WDR7: variants seen among roughly 807,000 people sequenced by gnomAD.
The protein encoded by WDR7 is WD repeat domain 7.
Under a neutral mutation model 169.4 loss-of-function variants are expected in WDR7, and 46 were observed. The observed-to-expected ratio is 0.27, with a 90% CI of 0.21 to 0.35. The LOEUF (loss-of-function observed/expected upper bound fraction) is 0.35. Among genes scored for constraint, WDR7 ranks in the 10% least tolerant of loss-of-function variants. WDR7 has a pLI of 1.00. For synonymous variants in WDR7, 612 were observed against 666.8 expected (o/e 0.92, Z 1.27); for missense variants, 1,534 against 1,859.3 (o/e 0.83, Z 3.22).
chr18:57,023,027 T>C (rs1385597902), intron 27 of WDR7, among the ~76,000 whole-genome samples: 2 of 152,266 alleles, frequency 1.3e-5, no homozygotes, highest in African/African-American at 4.8e-5. Context: ...TTCTTGCCTC[T>C]AAAACCAATG....
chr18:56,824,535 C>CT (rs1206041658), intron 20 of WDR7, among the ~76,000 whole-genome samples: 1 of 152,198 alleles, frequency 6.6e-6, no homozygotes, highest in African/African-American at 2.4e-5. Flanking sequence ...TCCTTATACA[C>CT]TGTGTATTTA....
At chr18:57,000,448 G>T (rs1229051388) in intron 26 of WDR7, among the ~76,000 whole-genome samples, 1 of 151,832 alleles carries the variant, frequency 6.6e-6, no homozygotes, top group Non-Finnish European at 1.5e-5. Flanking sequence ...GTGCCCCTTT[G>T]TTGGGTTATT....
At chr18:57,003,078 G>T (rs1382116887) in intron 26 of WDR7, among the ~76,000 whole-genome samples, 2 of 152,074 alleles carry the variant, frequency 1.3e-5, no homozygotes, top group Non-Finnish European at 2.9e-5. Flanking sequence ...TCTTGCTATT[G>T]TTGAAAATTG....
chr18:56,810,439 A>T (rs1036052518), intron 19 of WDR7, among the ~76,000 whole-genome samples: 1 of 152,140 alleles, frequency 6.6e-6, no homozygotes, highest in African/African-American at 2.4e-5. Flanking sequence ...AATGAAATAT[A>T]TATATAATTT....
chr18:56,889,107 C>T (rs1269500270), intron 21 of WDR7, among the ~76,000 whole-genome samples: 1 of 152,098 alleles, frequency 6.6e-6, no homozygotes, highest in East Asian at 1.9e-4. Flanking sequence ...TAGGGCAAAG[C>T]CCACAGAGGG....
chr18:56,706,806 G>A (rs1304603485), intron 12 of WDR7, among the ~76,000 whole-genome samples: 2 of 150,560 alleles, frequency 1.3e-5, no homozygotes, highest in African/African-American at 4.9e-5. Flanking sequence ...TCCTGACTCA[G>A]CCTCCCGAGT....
chr18:56,809,314 G>C (rs1359853718), intron 19 of WDR7, among the ~76,000 whole-genome samples: 2 of 151,632 alleles, frequency 1.3e-5, no homozygotes, highest in Non-Finnish European at 2.9e-5. Context: ...TACCCTTACT[G>C]TTATTTTCTA....
chr18:56,807,147 CAAAAAAAAA>C (rs566956902), intron 19 of WDR7, among the ~76,000 whole-genome samples: 1 of 84,196 alleles, frequency 1.2e-5, no homozygotes, highest in South Asian at 5.1e-4. Context: ...TGATCCTAGC[CAAAAAAAAA>C]AAAAAAAAAA....
chr18:56,967,870 C>G (rs1399849222), intron 26 of WDR7, among the ~76,000 whole-genome samples: 1 of 152,144 alleles, frequency 6.6e-6, no homozygotes, highest in African/African-American at 2.4e-5. Flanking sequence ...ACATCTAATA[C>G]TATGTAAATG....
intron 20 of WDR7, among the ~76,000 whole-genome samples, chr18:56,843,479 C>T (rs559030614): frequency 1.3e-4 from 20 of 152,302 alleles, no homozygotes; most frequent in Middle Eastern, 3.4e-3. Context: ...AAGTGTCTGG[C>T]TTATTTCACT....
At chr18:56,835,129 G>C (rs780522462) in intron 20 of WDR7, among the ~76,000 whole-genome samples, 12 of 151,906 alleles carry the variant, frequency 7.9e-5, no homozygotes, top group Admixed American at 2.0e-4. Context: ...TGTTTAAGAG[G>C]GTATGTTCAA....
chr18:56,982,961 G>T (rs1787465), intron 26 of WDR7, among the ~76,000 whole-genome samples: 11,414 of 152,204 alleles, frequency 0.075, 541 homozygotes, highest in African/African-American at 0.14. Context: ...GAGAAAAATA[G>T]GCAAATCAAC....
intron 27 of WDR7, among the ~76,000 whole-genome samples, chr18:57,022,650 G>T (rs1218181891): frequency 6.6e-6 from 1 of 152,026 alleles, no homozygotes; most frequent in East Asian, 1.9e-4. Flanking sequence ...TTTCCCCTAA[G>T]ATCTTCAAGG....
intron 20 of WDR7, among the ~76,000 whole-genome samples, chr18:56,854,912 C>T (rs1008188277): frequency 9.2e-5 from 14 of 152,058 alleles, no homozygotes; most frequent in Non-Finnish European, 2.1e-4. Flanking sequence ...TAACAAAAGA[C>T]AGTAACAAGG....
chr18:56,994,171 C>T (rs887105505), intron 26 of WDR7, among the ~76,000 whole-genome samples: 3 of 152,064 alleles, frequency 2.0e-5, no homozygotes, highest in African/African-American at 7.2e-5. Flanking sequence ...AGGCATACGC[C>T]ACCACGCCTG....
chr18:56,922,585 A>G (rs1410556823), intron 21 of WDR7, among the ~76,000 whole-genome samples: 1 of 152,192 alleles, frequency 6.6e-6, no homozygotes. Flanking sequence ...TTACTGCAGG[A>G]ATTGTTAATC....
chr18:56,673,907 C>G (rs2025188866), intron 2 of WDR7, among the ~76,000 whole-genome samples: 1 of 151,614 alleles, frequency 6.6e-6, no homozygotes, highest in African/African-American at 2.4e-5. Flanking sequence ...CGTGATTATT[C>G]TGGACATTTA....
intron 21 of WDR7, among the ~76,000 whole-genome samples, chr18:56,909,061 T>C (rs1334620679): frequency 6.6e-6 from 1 of 152,176 alleles, no homozygotes; most frequent in East Asian, 1.9e-4. Flanking sequence ...GTGTTATTTT[T>C]ACTCCTATCT....
chr18:56,838,123 A>T (rs2909366), intron 20 of WDR7, among the ~76,000 whole-genome samples: 24,231 of 152,204 alleles, frequency 0.16, 2,115 homozygotes, highest in African/African-American at 0.23. Flanking sequence ...TTATGATGAT[A>T]TATAAAAGAC....
Sources: allele counts gnomAD v4.1 joint callset (sites outside exome capture counted in the v4.1 genomes callset), GRCh38; gene constraint gnomAD v4.1.1; transcripts MANE v1.5; gene names NCBI Gene and HGNC (gene_info 2026-07-23, HGNC 2026-07-21).